Variants in LYPD6 observed in about 807,000 individuals in gnomAD.
LYPD6 encodes the protein LY6/PLAUR domain containing 6.
Under a neutral mutation model 22.7 loss-of-function variants are expected in LYPD6, and 15 were observed. That is an observed-to-expected ratio of 0.66 (90% CI 0.44 to 1.02). The LOEUF (loss-of-function observed/expected upper bound fraction) is 1.02, where lower values mean the gene tolerates loss of function less well. Among genes scored for constraint, LYPD6 ranks in the 50% least tolerant of loss-of-function variants. The pLI, the probability that LYPD6 is intolerant of heterozygous loss-of-function variation, is 0.00. For synonymous variants in LYPD6, 72 were observed against 77.5 expected (o/e 0.93, Z 0.37); for missense variants, 189 against 208.4 (o/e 0.91, Z 0.57).
At chr2:149,403,978 A>G (rs368495391) in intron 1 of LYPD6, among the ~76,000 whole-genome samples, 4 of 152,174 alleles carry the variant, frequency 2.6e-5, no homozygotes, top group African/African-American at 9.7e-5. Context: ...AGCACCATTT[A>G]TTAAATAGGG....
chr2:149,401,703 T>C (rs1283515654), intron 1 of LYPD6, among the ~76,000 whole-genome samples: 1 of 152,200 alleles, frequency 6.6e-6, no homozygotes, highest in African/African-American at 2.4e-5. Flanking sequence ...TTTAGTATTA[T>C]TTTAATTTAA....
chr2:149,409,072 T>G (rs1479808587), intron 1 of LYPD6, among the ~76,000 whole-genome samples: 1 of 152,196 alleles, frequency 6.6e-6, no homozygotes, highest in African/African-American at 2.4e-5. Flanking sequence ...AGGGCTGCTG[T>G]TCAGATTCTT....
intron 2 of LYPD6, among the ~76,000 whole-genome samples, chr2:149,445,925 A>G (rs759794064): frequency 6.6e-6 from 1 of 152,212 alleles, no homozygotes; most frequent in Non-Finnish European, 1.5e-5. Flanking sequence ...CTCAGCTTTC[A>G]ACATGCCTTC....
At chr2:149,427,588 G>A (rs1683212275) in intron 1 of LYPD6, among the ~76,000 whole-genome samples, 1 of 152,194 alleles carries the variant, frequency 6.6e-6, no homozygotes, top group African/African-American at 2.4e-5. Flanking sequence ...AGCTCCTAGA[G>A]TAAATACATC....
At chr2:149,389,264 A>G (rs1325216998) in intron 1 of LYPD6, among the ~76,000 whole-genome samples, 1 of 152,112 alleles carries the variant, frequency 6.6e-6, no homozygotes, top group African/African-American at 2.4e-5. Flanking sequence ...TAGATGCCCG[A>G]GAGAGTTGGG....
At chr2:149,376,762 TAAAGTGTAG>T (rs1348650980) in intron 1 of LYPD6, among the ~76,000 whole-genome samples, 2 of 152,220 alleles carry the variant, frequency 1.3e-5, no homozygotes, top group African/African-American at 4.8e-5. Context: ...GTAAAGCTTA[TAAAGTGTAG>T]AAAGATTTGA....
At chr2:149,340,381 A>G (rs1367293174) in intron 1 of LYPD6, among the ~76,000 whole-genome samples, 1 of 152,162 alleles carries the variant, frequency 6.6e-6, no homozygotes, top group Non-Finnish European at 1.5e-5. Flanking sequence ...AACAGCATTT[A>G]TTACCCTCTA....
chr2:149,330,549 C>A (rs1433969208), upstream of LYPD6: 7 of 150,154 alleles, frequency 4.7e-5, no homozygotes, highest in African/African-American at 1.7e-4. Context: ...GTGGCGCGCG[C>A]GCCCCTAGCC....
At chr2:149,464,314 T>G (rs1681155153) in intron 3 of LYPD6, 1 of 302,468 alleles carries the variant, frequency 3.3e-6, no homozygotes, top group Non-Finnish European at 6.8e-6. Context: ...GATTGAGCCT[T>G]GAAGAATATC....
chr2:149,484,464 G>C, the LYPD6 span, among the ~76,000 whole-genome samples: 3 of 152,294 alleles, frequency 2.0e-5, no homozygotes, highest in African/African-American at 7.2e-5. Context: ...CATGAGAATA[G>C]AGAGGAGAAA....
chr2:149,416,071 A>T (rs893181287), intron 1 of LYPD6, among the ~76,000 whole-genome samples: 1 of 152,096 alleles, frequency 6.6e-6, no homozygotes, highest in Non-Finnish European at 1.5e-5. Flanking sequence ...TTTTCTACTC[A>T]AGTTTGAAGA....
rs560237143 is a variant in LYPD6 at position 149,457,012 on chromosome 2, C to T, written c.217+7865C>T. Among the ~76,000 whole-genome samples, 4 of 152,302 alleles carry T rather than the reference C, an allele frequency of 2.6e-5. No homozygotes were observed. In the East Asian group the frequency reaches 7.7e-4, roughly 29 times the overall value. On this transcript the variant is annotated intron_variant, in intron 3 of 4. Transcript: ENST00000334166. ...ATGGGAACAGATACTATAATTTATT[C>T]ATTCTGTCGCTAATTGACATTTTTA...
chr2:149,427,193 T>G (rs1165533223), intron 1 of LYPD6, among the ~76,000 whole-genome samples: 2 of 152,212 alleles, frequency 1.3e-5, no homozygotes, highest in Non-Finnish European at 2.9e-5. Flanking sequence ...CAGGTTATTT[T>G]GAATGTAAGA....
chr2:149,411,630 A>G (rs1344543166), intron 1 of LYPD6, among the ~76,000 whole-genome samples: 1 of 152,228 alleles, frequency 6.6e-6, no homozygotes, highest in Non-Finnish European at 1.5e-5. Flanking sequence ...TATGATTGAC[A>G]GTGGAAGTAT....
chr2:149,432,799 A>G (rs1683346547), intron 1 of LYPD6, among the ~76,000 whole-genome samples: 1 of 152,234 alleles, frequency 6.6e-6, no homozygotes, highest in Admixed American at 6.5e-5. Context: ...AGAGATGAGA[A>G]GAGAGAACAT....
At chr2:149,418,779 A>G (rs1312817693) in intron 1 of LYPD6, among the ~76,000 whole-genome samples, 1 of 152,192 alleles carries the variant, frequency 6.6e-6, no homozygotes, top group South Asian at 2.1e-4. Flanking sequence ...CAGCTTTCAC[A>G]TGCTTGCTTT....
At chr2:149,474,662 C>T (rs574865649), downstream of LYPD6, among the ~76,000 whole-genome samples, 5 of 152,070 alleles carry the variant, frequency 3.3e-5, no homozygotes, top group African/African-American at 9.7e-5. Flanking sequence ...TGCTGATCTC[C>T]GTGGATAGTT....
chr2:149,348,531 G>A (rs184595556), intron 1 of LYPD6, among the ~76,000 whole-genome samples: 1 of 152,324 alleles, frequency 6.6e-6, no homozygotes, highest in East Asian at 1.9e-4. Flanking sequence ...AGGCAGAAAT[G>A]CAAAAGTGCT....
chr2:149,418,943 A>T (rs1683022151), intron 1 of LYPD6, among the ~76,000 whole-genome samples: 1 of 152,226 alleles, frequency 6.6e-6, no homozygotes, highest in Admixed American at 6.5e-5. Flanking sequence ...TGGCATATGA[A>T]ACCAGGCTGC....
Sources: gnomAD v4.1 joint callset for allele counts (sites outside exome capture counted in the v4.1 genomes callset) on GRCh38, gnomAD v4.1.1 for gene constraint, MANE v1.5 for transcripts, NCBI Gene and HGNC (gene_info 2026-07-23, HGNC 2026-07-21) for gene names.